Variants in ARHGEF28 observed in about 807,000 individuals in gnomAD.
ARHGEF28 encodes Rho guanine nucleotide exchange factor 28, also known as 190 kDa guanine nucleotide exchange factor.
In ARHGEF28, 152 loss-of-function variants were observed where a neutral mutation model predicts 206.6. The ratio of observed to expected loss-of-function variants is 0.74; its 90% CI spans 0.64 to 0.84. The LOEUF (loss-of-function observed/expected upper bound fraction) is 0.84, where lower values mean the gene tolerates loss of function less well. Ranked by LOEUF, ARHGEF28 falls within the 40% of genes least tolerant of loss-of-function variation. The pLI is 0.00. For missense variants in ARHGEF28, 2,028 were observed against 2,073.2 expected (o/e 0.98, Z 0.42); for synonymous variants, 763 against 776.4 (o/e 0.98, Z 0.29).
chr5:73,871,324 A>G (rs987921295), intron 21 of ARHGEF28, among the ~76,000 whole-genome samples: 3 of 152,238 alleles, frequency 2.0e-5, no homozygotes, highest in African/African-American at 7.2e-5. Flanking sequence ...ATGGGTTAAA[A>G]GATTAAATGA....
At position 73,914,436 on chromosome 5, in the gene ARHGEF28, G is replaced by A. The variant is rs181369353; in HGVS notation, c.4948+2861G>A. Among the ~76,000 whole-genome samples the A allele has an allele frequency of 4.7e-3, 593 of 125,210 alleles. 5 individuals carry two copies. Among genetic ancestry groups the A allele is most frequent in the Non-Finnish European group, 7.3e-3 (465 of 63,496 alleles). 82.1% of individuals were successfully genotyped at this position (125,210 alleles called of 152,430 possible). A position where few individuals can be genotyped will look rare whatever the true frequency, so the allele number is the denominator to read the frequency against. On this transcript the variant is annotated intron_variant, in intron 35 of 35. Transcript: ENST00000513042. The stretch of plus-strand genomic sequence containing the variant: ...TTTTGAGAAGGAGTCTCTCTTTGTC[G>A]CCCAGGCTGGAGTGCAGTGGTAATA...
intron 13 of ARHGEF28, among the ~76,000 whole-genome samples, chr5:73,850,081 A>G: frequency 8.2e-6 from 1 of 122,128 alleles, no homozygotes; most frequent in Non-Finnish European, 1.7e-5. Flanking sequence ...CTTGCTTATT[A>G]AATTGTTATT....
intron 35 of ARHGEF28, among the ~76,000 whole-genome samples, chr5:73,917,461 A>G (rs972688089): frequency 6.6e-6 from 1 of 152,222 alleles, no homozygotes; most frequent in Admixed American, 6.5e-5. Context: ...TACAAGGAAA[A>G]GGAAAGATGA....
chr5:73,914,818 T>G (rs564033675), intron 35 of ARHGEF28, among the ~76,000 whole-genome samples: 142 of 152,282 alleles, frequency 9.3e-4, no homozygotes, highest in African/African-American at 3.0e-3. Flanking sequence ...CTCCACCTCC[T>G]GGGCTCCATC....
chr5:73,796,707 C>A (rs1476813562), intron 9 of ARHGEF28, among the ~76,000 whole-genome samples: 1 of 152,132 alleles, frequency 6.6e-6, no homozygotes, highest in Non-Finnish European at 1.5e-5. Context: ...CCACACTAAG[C>A]AATATACACG....
At chr5:73,655,587 T>C (rs1745140345) in intron 1 of ARHGEF28, among the ~76,000 whole-genome samples, 1 of 152,208 alleles carries the variant, frequency 6.6e-6, no homozygotes, top group Non-Finnish European at 1.5e-5. Context: ...CATAGTATTT[T>C]ATACACACTA....
At chr5:73,881,192 A>G (rs1760913459) in intron 22 of ARHGEF28, among the ~76,000 whole-genome samples, 1 of 152,170 alleles carries the variant, frequency 6.6e-6, no homozygotes. Flanking sequence ...ATCTTTCCAT[A>G]GTCTTAGTAA....
At chr5:73,664,467 C>A (rs1400656351) in intron 1 of ARHGEF28, among the ~76,000 whole-genome samples, 2 of 152,160 alleles carry the variant, frequency 1.3e-5, no homozygotes, top group Non-Finnish European at 2.9e-5. Context: ...GCAAGGTGCT[C>A]AACCTCCCTG....
chr5:73,895,723 G>A (rs930244264), intron 29 of ARHGEF28, among the ~76,000 whole-genome samples: 1 of 152,162 alleles, frequency 6.6e-6, no homozygotes, highest in Non-Finnish European at 1.5e-5. Context: ...GCTTGTTTAT[G>A]TGTTGCCTCT....
Position 73,644,656 on chromosome 5 carries a change from A to C in ARHGEF28, c.-12+18334A>C, listed in dbSNP as rs181349452. 1.4e-4 allele frequency among the ~76,000 whole-genome samples: 22 copies of C among 152,128 alleles called. No individual in the cohort carries two copies. In the East Asian group the frequency reaches 4.2e-3, roughly 29 times the overall value. ...CTGCTGCCTGATTTTCTGCCTTTGCATTTACTTTCCTTTTGCTTATCATTT... is the reference window on the plus strand; with the variant it reads ...CTGCTGCCTGATTTTCTGCCTTTGCCTTTACTTTCCTTTTGCTTATCATTT... On this transcript the variant is annotated intron_variant, in intron 1 of 35. Coordinates refer to ENST00000513042, the MANE Select transcript of ARHGEF28 (RefSeq NM_001177693.2).
intron 2 of ARHGEF28, among the ~76,000 whole-genome samples, chr5:73,713,657 AG>A (rs1457540457): frequency 2.0e-5 from 3 of 152,148 alleles, no homozygotes; most frequent in African/African-American, 7.2e-5. Flanking sequence ...TGGTGGGGGG[AG>A]GGTAAGCGAG....
At chr5:73,641,504 A>C (rs750475534) in intron 1 of ARHGEF28, among the ~76,000 whole-genome samples, 1 of 152,008 alleles carries the variant, frequency 6.6e-6, no homozygotes, top group Non-Finnish European at 1.5e-5. Flanking sequence ...CATATCAGAA[A>C]TGTTTAGGGC....
intron 4 of ARHGEF28, among the ~76,000 whole-genome samples, chr5:73,765,234 C>T (rs1752831109): frequency 6.6e-6 from 1 of 152,148 alleles, no homozygotes; most frequent in Non-Finnish European, 1.5e-5. Context: ...TATAGACAGT[C>T]CCTGATTTAT....
intron 1 of ARHGEF28, among the ~76,000 whole-genome samples, chr5:73,662,768 G>A (rs1247135530): frequency 1.3e-5 from 2 of 152,042 alleles, no homozygotes; most frequent in Non-Finnish European, 2.9e-5. Context: ...TACTTTCCTA[G>A]GGGATTACAC....
At chr5:73,804,702 AT>A (rs5868697) in intron 9 of ARHGEF28, among the ~76,000 whole-genome samples, 17 of 151,272 alleles carry the variant, frequency 1.1e-4, no homozygotes, top group East Asian at 7.8e-4. Context: ...GTTTTTTCTG[AT>A]TTTTTTTTCA....
intron 1 of ARHGEF28, among the ~76,000 whole-genome samples, chr5:73,683,470 C>A (rs1390530185): frequency 6.6e-6 from 1 of 151,856 alleles, no homozygotes; most frequent in Non-Finnish European, 1.5e-5. Flanking sequence ...TTTTTCCTTT[C>A]TGTCTGAGTT....
At chr5:73,914,090 A>G (rs1763069748) in intron 35 of ARHGEF28, among the ~76,000 whole-genome samples, 1 of 152,152 alleles carries the variant, frequency 6.6e-6, no homozygotes, top group Non-Finnish European at 1.5e-5. Flanking sequence ...GCCTCAGCAG[A>G]CATTTTTGTG....
chr5:73,802,371 C>T (rs901601157), intron 9 of ARHGEF28, among the ~76,000 whole-genome samples: 5 of 152,104 alleles, frequency 3.3e-5, no homozygotes, highest in Non-Finnish European at 5.9e-5. Context: ...ATGAGGATGC[C>T]TGATGCTTGG....
chr5:73,764,436 A>T (rs1384878516), intron 4 of ARHGEF28, among the ~76,000 whole-genome samples: 1 of 152,266 alleles, frequency 6.6e-6, no homozygotes, highest in African/African-American at 2.4e-5. Context: ...TCCACAAGCT[A>T]AAATAAAGTA....
Sources: gnomAD v4.1 joint callset for allele counts (sites outside exome capture counted in the v4.1 genomes callset) on GRCh38, gnomAD v4.1.1 for gene constraint, MANE v1.5 for transcripts, NCBI Gene and HGNC (gene_info 2026-07-23, HGNC 2026-07-21) for gene names.